SPRED1: variants seen among roughly 807,000 people sequenced by gnomAD.
SPRED1 encodes the protein sprouty related EVH1 domain containing 1.
Under a neutral mutation model 52.3 loss-of-function variants are expected in SPRED1, and 18 were observed. The ratio of observed to expected loss-of-function variants is 0.34; its 90% CI spans 0.24 to 0.51. SPRED1 has a LOEUF of 0.51. SPRED1 is among the 20% of genes least tolerant of loss of function. SPRED1 has a pLI of 0.97. For missense variants in SPRED1, 485 were observed against 551.0 expected (o/e 0.88, Z 1.20); for synonymous variants, 155 against 179.7 (o/e 0.86, Z 1.10).
At position 38,337,690 on chromosome 15, in the gene SPRED1, C is replaced by T. The variant is rs576709347; in HGVS notation, c.424-2047C>T. Among the ~76,000 whole-genome samples, 14 of 152,144 alleles carry T rather than the reference C, an allele frequency of 9.2e-5. No homozygotes were observed. In the East Asian group the frequency reaches 1.5e-3, roughly 17 times the overall value. On this transcript the variant is annotated intron_variant, in intron 4 of 6. Coordinates refer to ENST00000299084, the MANE Select transcript of SPRED1 (RefSeq NM_152594.3). ...TAACCCAACTCAGTACAGCAAGACA[C>T]TAAGTTTGTTCATATGCAGATATTT...
intron 5 of SPRED1, among the ~76,000 whole-genome samples, chr15:38,342,653 A>G (rs983562365): frequency 3.3e-5 from 5 of 152,002 alleles, no homozygotes; most frequent in African/African-American, 9.7e-5. Context: ...TCTTTCATCA[A>G]TTTAAAAGAT....
intron 3 of SPRED1, 62 bp from the exon 4 acceptor site, chr15:38,324,701 C>A: frequency 8.0e-7 from 1 of 1,252,686 alleles, no homozygotes; most frequent in South Asian, 1.3e-5. Flanking sequence ...ATCAATTAGT[C>A]ATTAATACTG....
At chr15:38,332,907 C>T (rs1895833192) in intron 4 of SPRED1, among the ~76,000 whole-genome samples, 1 of 152,154 alleles carries the variant, frequency 6.6e-6, no homozygotes, top group Non-Finnish European at 1.5e-5. Context: ...CTGGTGAGGG[C>T]CCACTTTCAG....
At chr15:38,305,058 G>C (rs1895224583) in intron 2 of SPRED1, among the ~76,000 whole-genome samples, 1 of 152,096 alleles carries the variant, frequency 6.6e-6, no homozygotes, top group Non-Finnish European at 1.5e-5. Context: ...GCCAAGCACG[G>C]TGGCTCACAC....
chr15:38,330,593 A>G (rs965610060), intron 4 of SPRED1, among the ~76,000 whole-genome samples: 1 of 152,124 alleles, frequency 6.6e-6, no homozygotes, highest in Non-Finnish European at 1.5e-5. Flanking sequence ...ATTTGAGCAT[A>G]TAATTTTAAA....
At chr15:38,288,461 A>G (rs1894853586) in intron 1 of SPRED1, among the ~76,000 whole-genome samples, 1 of 152,194 alleles carries the variant, frequency 6.6e-6, no homozygotes, top group Non-Finnish European at 1.5e-5. Context: ...CATTATGAGG[A>G]AGATAAAACC....
chr15:38,262,590 A>G (rs1457878230), intron 1 of SPRED1, among the ~76,000 whole-genome samples: 1 of 152,200 alleles, frequency 6.6e-6, no homozygotes, highest in Non-Finnish European at 1.5e-5. Flanking sequence ...GTTGTTAAGG[A>G]AAGTGTTGAG....
At chr15:38,348,236 T>A (rs569273079) in intron 5 of SPRED1, among the ~76,000 whole-genome samples, 1 of 152,172 alleles carries the variant, frequency 6.6e-6, no homozygotes, top group Admixed American at 6.5e-5. Context: ...TAGCTTATTC[T>A]GTGTTTACTT....
chr15:38,300,827 C>T (rs149293157), intron 2 of SPRED1, among the ~76,000 whole-genome samples: 4 of 152,044 alleles, frequency 2.6e-5, no homozygotes, highest in Non-Finnish European at 5.9e-5. Context: ...CTGCCATATA[C>T]TAATGCTTTT....
intron 1 of SPRED1, among the ~76,000 whole-genome samples, chr15:38,296,511 G>A (rs961799734): frequency 2.0e-5 from 3 of 152,118 alleles, no homozygotes; most frequent in Non-Finnish European, 4.4e-5. Context: ...GTCTTCGTGT[G>A]TTTGGTCATC....
At chr15:38,303,240 T>A (rs1478875905) in intron 2 of SPRED1, among the ~76,000 whole-genome samples, 1 of 152,150 alleles carries the variant, frequency 6.6e-6, no homozygotes, top group Non-Finnish European at 1.5e-5. Flanking sequence ...AGCCTCTGTT[T>A]TCTTCTAAAT....
intron 2 of SPRED1, among the ~76,000 whole-genome samples, chr15:38,299,940 G>A (rs1452297800): frequency 6.6e-6 from 1 of 152,062 alleles, no homozygotes; most frequent in African/African-American, 2.4e-5. Flanking sequence ...GGTTTTTATA[G>A]TTTTACATGG....
At chr15:38,260,032 A>G (rs949964255) in intron 1 of SPRED1, among the ~76,000 whole-genome samples, 13 of 152,348 alleles carry the variant, frequency 8.5e-5, no homozygotes, top group African/African-American at 2.9e-4. Context: ...CTGAACATTC[A>G]TAATTAAAGG....
intron 2 of SPRED1, among the ~76,000 whole-genome samples, chr15:38,305,067 A>G (rs7170242): frequency 0.82 from 125,327 of 152,114 alleles, 52,418 homozygotes; most frequent in Non-Finnish European, 0.9. Flanking sequence ...GGTGGCTCAC[A>G]CCTGTAATCC....
intron 2 of SPRED1, among the ~76,000 whole-genome samples, chr15:38,320,053 G>A (rs972086812): frequency 2.0e-5 from 3 of 152,102 alleles, no homozygotes; most frequent in African/African-American, 7.2e-5. Context: ...CTAGGTAATT[G>A]TAAAAATATA....
intron 1 of SPRED1, among the ~76,000 whole-genome samples, chr15:38,271,999 G>A (rs1221055768): frequency 6.6e-6 from 1 of 152,116 alleles, no homozygotes; most frequent in Non-Finnish European, 1.5e-5. Context: ...TAAGAACAGT[G>A]GTATTTGGTT....
At chr15:38,272,243 C>A (rs549950069) in intron 1 of SPRED1, among the ~76,000 whole-genome samples, 2 of 148,576 alleles carry the variant, frequency 1.3e-5, no homozygotes, top group South Asian at 4.3e-4. Flanking sequence ...AGGATATATA[C>A]CCAATAATGA....
chr15:38,253,645 C>G (rs1199544906), intron 1 of SPRED1, among the ~76,000 whole-genome samples: 1 of 152,044 alleles, frequency 6.6e-6, no homozygotes, highest in Non-Finnish European at 1.5e-5. Flanking sequence ...CAGCAAACTG[C>G]TCTTGAATCT....
chr15:38,258,976 A>G (rs1447536716), intron 1 of SPRED1, among the ~76,000 whole-genome samples: 4 of 152,162 alleles, frequency 2.6e-5, no homozygotes, highest in Admixed American at 2.6e-4. Flanking sequence ...TAAATTAAAG[A>G]ATTTGGACTA....
Sources: allele counts gnomAD v4.1 joint callset (sites outside exome capture counted in the v4.1 genomes callset), GRCh38; gene constraint gnomAD v4.1.1; transcripts MANE v1.5; gene names NCBI Gene and HGNC (gene_info 2026-07-23, HGNC 2026-07-21).